SHTN1: variants seen among roughly 807,000 people sequenced by gnomAD.
SHTN1 encodes the protein shootin-1.
Under a neutral mutation model 83.1 loss-of-function variants are expected in SHTN1, and 42 were observed. That is an observed-to-expected ratio of 0.51 (90% CI 0.39 to 0.65). The LOEUF is 0.65. Among genes scored for constraint, SHTN1 ranks in the 30% least tolerant of loss-of-function variants. SHTN1 has a pLI of 0.00. For synonymous variants in SHTN1, 224 were observed against 247.7 expected, an observed-to-expected ratio of 0.90 and a Z score of 0.90; for missense variants, 622 against 737.8, an observed-to-expected ratio of 0.84 and a Z score of 1.82.
chr10:117,018,295 A>G (rs2133561827), intron 2 of SHTN1, among the ~76,000 whole-genome samples: 1 of 152,278 alleles, frequency 6.6e-6, no homozygotes, highest in South Asian at 2.1e-4. Context: ...GCTTTTCTGT[A>G]AATCTAAAAT....
At chr10:117,015,616 C>T (rs1011776889) in intron 2 of SHTN1, among the ~76,000 whole-genome samples, 1 of 152,204 alleles carries the variant, frequency 6.6e-6, no homozygotes, top group Non-Finnish European at 1.5e-5. Flanking sequence ...CAGGCGTGAG[C>T]CACCGTGCCC....
intron 1 of SHTN1, among the ~76,000 whole-genome samples, chr10:117,100,900 G>A (rs1360408208): frequency 6.6e-6 from 1 of 152,124 alleles, no homozygotes. Context: ...TGAGAGTAGT[G>A]ACTAACATAG....
At chr10:117,120,601 C>G (rs1458047925) in intron 1 of SHTN1, among the ~76,000 whole-genome samples, 2 of 151,754 alleles carry the variant, frequency 1.3e-5, no homozygotes, top group African/African-American at 2.4e-5. Flanking sequence ...CTCATGTATC[C>G]CATAAATATA....
At chr10:116,963,294 G>C (rs1051655173) in intron 3 of SHTN1, among the ~76,000 whole-genome samples, 1 of 150,676 alleles carries the variant, frequency 6.6e-6, no homozygotes, top group African/African-American at 2.4e-5. Context: ...GGATGGTCTC[G>C]ATCTCCTGAC....
intron 1 of SHTN1, among the ~76,000 whole-genome samples, chr10:117,064,751 C>T (rs1852950734): frequency 6.6e-6 from 1 of 152,030 alleles, no homozygotes; most frequent in African/African-American, 2.4e-5. Flanking sequence ...TGCCCAAAGT[C>T]CCACACAACT....
At chr10:117,097,264 C>T (rs60202099) in intron 1 of SHTN1, among the ~76,000 whole-genome samples, 2,523 of 152,280 alleles carry the variant, frequency 0.017, 62 homozygotes, top group East Asian at 0.12. Flanking sequence ...TGCTCAACCC[C>T]GACAGACTCT....
At chr10:117,006,240 G>GTTTT (rs11434853), upstream of SHTN1, among the ~76,000 whole-genome samples, 1 of 147,250 alleles carries the variant, frequency 6.8e-6, no homozygotes, top group East Asian at 2.0e-4. Context: ...GTTTTTTTTT[G>GTTTT]TTTTTTTTTT....
intron 10 of SHTN1, among the ~76,000 whole-genome samples, chr10:116,928,889 A>G (rs1589815486): frequency 6.6e-6 from 1 of 152,208 alleles, no homozygotes; most frequent in African/African-American, 2.4e-5. Flanking sequence ...ACAGCAGATA[A>G]TAAGTATTAA....
At chr10:116,974,931 G>A (rs1850745366) in intron 2 of SHTN1, among the ~76,000 whole-genome samples, 1 of 152,148 alleles carries the variant, frequency 6.6e-6, no homozygotes, top group Non-Finnish European at 1.5e-5. Flanking sequence ...TGAATATGGT[G>A]ATTGCTACAC....
chr10:116,960,846 T>G lies in SHTN1; in HGVS notation c.173-616A>C, dbSNP rs1465359668. ...TATAAAGCAGATGCTAATAAATTACTTCCTGAATCATAGGCTATCAGAAGC... is the reference window on the plus strand; with the variant it reads ...TATAAAGCAGATGCTAATAAATTACGTCCTGAATCATAGGCTATCAGAAGC... On this transcript the variant is annotated intron_variant, in intron 3 of 16. Transcript: ENST00000355371. Among the ~76,000 whole-genome samples the G allele has an allele frequency of 2.0e-5, 3 of 152,204 alleles. No homozygotes were observed. The East Asian group carries it at 5.8e-4, about 29-fold the overall frequency.
At chr10:117,010,856 T>A (rs185009230) in intron 2 of SHTN1, among the ~76,000 whole-genome samples, 2 of 152,278 alleles carry the variant, frequency 1.3e-5, no homozygotes, top group Admixed American at 1.3e-4. Context: ...AGAAAAGGCA[T>A]TTGACAAAAG....
At chr10:116,997,747 C>T (rs1156808015) in intron 1 of SHTN1, among the ~76,000 whole-genome samples, 3 of 152,138 alleles carry the variant, frequency 2.0e-5, no homozygotes, top group Non-Finnish European at 4.4e-5. Context: ...TCCCCCTTTT[C>T]CATATTGTAG....
chr10:116,983,869 A>G (rs966374076), intron 1 of SHTN1, among the ~76,000 whole-genome samples: 5 of 152,120 alleles, frequency 3.3e-5, no homozygotes, highest in Admixed American at 6.5e-5. Context: ...AAACAAGGAG[A>G]ATATCAGGCA....
intron 6 of SHTN1, among the ~76,000 whole-genome samples, chr10:116,950,763 A>C (rs988895889): frequency 6.6e-6 from 1 of 152,162 alleles, no homozygotes; most frequent in Non-Finnish European, 1.5e-5. Flanking sequence ...TCCTTTCCAA[A>C]ATATCATCTT....
At chr10:116,934,936 GAATC>G (rs1212921793) in intron 9 of SHTN1, among the ~76,000 whole-genome samples, 2 of 152,166 alleles carry the variant, frequency 1.3e-5, no homozygotes, top group African/African-American at 4.8e-5. Context: ...TAGCAATGGT[GAATC>G]AGAGTTCACT....
At position 117,117,262 on chromosome 10, in the gene SHTN1, C is replaced by T. The variant is rs181484495; in HGVS notation, c.-189+9045G>A. Among the ~76,000 whole-genome samples, 443 of 152,172 alleles carry T rather than the reference C, an allele frequency of 2.9e-3. 1 individual carries two copies. The highest frequency in any genetic ancestry group is 4.5e-3 in the Non-Finnish European group (307 of 67,966). On this transcript the variant is annotated intron_variant, in intron 1 of 17. Coordinates refer to the SHTN1 transcript ENST00000392901. ...AATCAATAGCATTAATATGCACCAACGACGAACAATCTGAAAAAGAAATCA... is the reference window on the plus strand; with the variant it reads ...AATCAATAGCATTAATATGCACCAATGACGAACAATCTGAAAAAGAAATCA...
chr10:117,054,792 ATC>A (rs1267724111), intron 1 of SHTN1, among the ~76,000 whole-genome samples: 2 of 152,198 alleles, frequency 1.3e-5, no homozygotes, highest in East Asian at 3.9e-4. Flanking sequence ...AAATTAAAGA[ATC>A]TCTGAATCCA....
intron 9 of SHTN1, 59 bp downstream of exon 9, chr10:116,940,407 A>G: frequency 2.7e-6 from 4 of 1,497,816 alleles, no homozygotes; most frequent in Non-Finnish European, 3.6e-6. Flanking sequence ...CATCTTAAAT[A>G]TATGTGTGTA....
chr10:116,890,580 A>C (rs1847309915), intron 16 of SHTN1, among the ~76,000 whole-genome samples: 1 of 152,252 alleles, frequency 6.6e-6, no homozygotes, highest in African/African-American at 2.4e-5. Context: ...CTCAAAGGCT[A>C]TTTCAAGACA....
Sources: gnomAD v4.1 joint callset for allele counts (sites outside exome capture counted in the v4.1 genomes callset) on GRCh38, gnomAD v4.1.1 for gene constraint, MANE v1.5 for transcripts, NCBI Gene and HGNC (gene_info 2026-07-23, HGNC 2026-07-21) for gene names.